SLC7A14: variants seen among roughly 807,000 people sequenced by gnomAD.
SLC7A14 encodes the protein gamma-aminobutyric acid transporter SLC7A14.
A neutral mutation model predicts 60.2 loss-of-function variants in SLC7A14; 37 were observed. The ratio of observed to expected loss-of-function variants is 0.61; its 90% CI spans 0.47 to 0.81. The LOEUF is 0.81. SLC7A14 is among the 30% of genes least tolerant of loss of function. SLC7A14 has a pLI of 0.00. For missense variants in SLC7A14, 886 were observed against 982.7 expected (o/e 0.90, Z 1.32); for synonymous variants, 399 against 395.8 (o/e 1.01, Z -0.10).
chr3:170,537,934 C>T (rs1713898320), intron 1 of SLC7A14, among the ~76,000 whole-genome samples: 2 of 143,308 alleles, frequency 1.4e-5, no homozygotes, highest in Non-Finnish European at 3.0e-5. Flanking sequence ...TCTATATGGT[C>T]GTGGTCCTTC....
intron 1 of SLC7A14, among the ~76,000 whole-genome samples, chr3:170,547,033 C>G (rs529578390): frequency 2.6e-5 from 4 of 152,280 alleles, no homozygotes; most frequent in African/African-American, 7.2e-5. Flanking sequence ...TCAGAGACAT[C>G]AGAAGCCTTC....
At chr3:170,483,273 C>T (rs771556377) in intron 6 of SLC7A14, 41 bp downstream of exon 6, 22 of 1,606,732 alleles carry the variant, frequency 1.4e-5, no homozygotes, top group Admixed American at 1.2e-4. Context: ...CCTGGACAGA[C>T]GTGGCAGAGC....
At chr3:170,568,083 C>T (rs1407253371) in intron 1 of SLC7A14, among the ~76,000 whole-genome samples, 1 of 152,148 alleles carries the variant, frequency 6.6e-6, no homozygotes. Context: ...AGTCCTTGCC[C>T]ATGCCTATGT....
intron 1 of SLC7A14, among the ~76,000 whole-genome samples, chr3:170,548,033 C>A (rs1014869885): frequency 2.0e-5 from 3 of 152,198 alleles, no homozygotes; most frequent in Non-Finnish European, 4.4e-5. Flanking sequence ...ACTGCCCTCT[C>A]AAAAGATTGT....
intron 4 of SLC7A14, chr3:170,495,579 C>T (rs1256646322): frequency 5.2e-6 from 4 of 763,464 alleles, no homozygotes; most frequent in Middle Eastern, 2.7e-4. Flanking sequence ...CAGCAGCTTC[C>T]GGGGTGGCCT....
rs549923410 is a variant in SLC7A14 at position 170,464,302 on chromosome 3, A to G, written c.*2753T>C. Reference sequence around the variant, plus strand: ...GGAGAGCTTTTGCTATTCAGAATTCAATAAAATGTAGGTCTTCCTTGGACT... The same window carrying G: ...GGAGAGCTTTTGCTATTCAGAATTCGATAAAATGTAGGTCTTCCTTGGACT... On this transcript the variant is annotated 3_prime_UTR_variant, in exon 8 of 8. Transcript: ENST00000231706. 14 of 152,352 alleles carry G rather than the reference A, an allele frequency of 9.2e-5. No individual in the cohort carries two copies. The highest frequency in any genetic ancestry group is 2.9e-5 in the Non-Finnish European group (2 of 68,034). 9.4% of individuals were successfully genotyped at this position (152,352 alleles called of 1,614,324 possible).
chr3:170,544,908 A>G (rs1189364351), intron 1 of SLC7A14, among the ~76,000 whole-genome samples: 1 of 152,232 alleles, frequency 6.6e-6, no homozygotes, highest in African/African-American at 2.4e-5. Context: ...ACTGTAGGGC[A>G]GCACTGTCTA....
chr3:170,475,460 AG>A (rs1711582985), intron 7 of SLC7A14, among the ~76,000 whole-genome samples: 1 of 152,236 alleles, frequency 6.6e-6, no homozygotes, highest in Non-Finnish European at 1.5e-5. Flanking sequence ...AGAAGTTCAG[AG>A]GTGACATATT....
intron 1 of SLC7A14, among the ~76,000 whole-genome samples, chr3:170,529,110 A>C (rs956590414): frequency 1.3e-5 from 2 of 152,198 alleles, no homozygotes; most frequent in African/African-American, 4.8e-5. Context: ...TTTTTACACA[A>C]ACATCGCATA....
chr3:170,478,389 A>G (rs1711699254), intron 7 of SLC7A14, among the ~76,000 whole-genome samples: 1 of 151,484 alleles, frequency 6.6e-6, no homozygotes, highest in South Asian at 2.1e-4. Flanking sequence ...AGAGATTGTA[A>G]ATGTGTTATA....
At chr3:170,554,589 T>G (rs1034285792) in intron 1 of SLC7A14, among the ~76,000 whole-genome samples, 5 of 152,166 alleles carry the variant, frequency 3.3e-5, no homozygotes, top group Non-Finnish European at 7.3e-5. Context: ...TCAGCCTTCA[T>G]GAGCCACCAG....
At chr3:170,581,323 G>A (rs953108549) in intron 1 of SLC7A14, among the ~76,000 whole-genome samples, 4 of 152,044 alleles carry the variant, frequency 2.6e-5, no homozygotes, top group African/African-American at 4.8e-5. Context: ...CATAATGCTT[G>A]TATTTTGTTA....
At chr3:170,511,111 A>ATTTT (rs1712966773) in intron 2 of SLC7A14, among the ~76,000 whole-genome samples, 1 of 152,194 alleles carries the variant, frequency 6.6e-6, no homozygotes, top group Non-Finnish European at 1.5e-5. Flanking sequence ...GTGCTTACTA[A>ATTTT]AGGACAAATA....
At chr3:170,517,522 A>G (rs547521506) in intron 2 of SLC7A14, among the ~76,000 whole-genome samples, 1 of 152,354 alleles carries the variant, frequency 6.6e-6, no homozygotes, top group East Asian at 1.9e-4. Flanking sequence ...GCTGTCTTCA[A>G]TTTGAGGAGG....
chr3:170,561,043 C>G (rs962235964), intron 1 of SLC7A14, among the ~76,000 whole-genome samples: 1 of 152,190 alleles, frequency 6.6e-6, no homozygotes, highest in African/African-American at 2.4e-5. Context: ...TCTTGTAACT[C>G]CTTCTTCCCC....
intron 1 of SLC7A14, among the ~76,000 whole-genome samples, chr3:170,557,161 G>A (rs569354295): frequency 6.6e-5 from 10 of 152,090 alleles, no homozygotes; most frequent in African/African-American, 2.4e-4. Flanking sequence ...CTGCCTTATT[G>A]ATTTATTTAT....
chr3:170,580,969 C>T (rs563068322), intron 1 of SLC7A14, among the ~76,000 whole-genome samples: 45 of 152,210 alleles, frequency 3.0e-4, no homozygotes, highest in African/African-American at 7.9e-4. Context: ...TTTTACTTGA[C>T]GCATAAATAG....
At chr3:170,550,512 ATTTTTTTTT>A (rs369436642) in intron 1 of SLC7A14, among the ~76,000 whole-genome samples, 1 of 60,616 alleles carries the variant, frequency 1.6e-5, no homozygotes, top group Non-Finnish European at 2.8e-5. Context: ...CTTTCCTTGA[ATTTTTTTTT>A]TTTTTTTTTT....
At chr3:170,522,462 T>C (rs1013529133) in intron 2 of SLC7A14, among the ~76,000 whole-genome samples, 2 of 152,108 alleles carry the variant, frequency 1.3e-5, no homozygotes, top group African/African-American at 4.8e-5. Flanking sequence ...AGCAAGAAAA[T>C]GGAACAACCT....
Sources: allele counts gnomAD v4.1 joint callset (sites outside exome capture counted in the v4.1 genomes callset), GRCh38; gene constraint gnomAD v4.1.1; transcripts MANE v1.5; gene names NCBI Gene and HGNC (gene_info 2026-07-23, HGNC 2026-07-21).